The following SYT14 variants were observed in gnomAD, a reference collection of about 807,000 sequenced individuals.
SYT14 encodes the protein synaptotagmin 14.
In SYT14, 32 loss-of-function variants were observed where a neutral mutation model predicts 74.2. That is an observed-to-expected ratio of 0.43 (90% CI 0.33 to 0.58). SYT14 has a LOEUF of 0.58. SYT14 is among the 20% of genes least tolerant of loss of function. The pLI, the probability that SYT14 is intolerant of heterozygous loss-of-function variation, is 0.05. For missense variants in SYT14, 791 were observed against 981.8 expected, an observed-to-expected ratio of 0.81 and a Z score of 2.60; for synonymous variants, 298 against 337.7, an observed-to-expected ratio of 0.88 and a Z score of 1.29.
intron 5 of SYT14, among the ~76,000 whole-genome samples, chr1:210,056,739 T>A (rs1360094280): frequency 6.7e-6 from 1 of 149,852 alleles, no homozygotes; most frequent in Non-Finnish European, 1.5e-5. Flanking sequence ...GGCAGGAGAA[T>A]CACGCCACTG....
intron 2 of SYT14, among the ~76,000 whole-genome samples, chr1:209,996,383 G>C (rs1041983299): frequency 6.6e-6 from 1 of 152,066 alleles, no homozygotes; most frequent in African/African-American, 2.4e-5. Flanking sequence ...GAAACATGCA[G>C]TCTTCCAAGA....
At chr1:210,006,295 TG>T (rs1409207621) in intron 2 of SYT14, among the ~76,000 whole-genome samples, 1 of 151,940 alleles carries the variant, frequency 6.6e-6, no homozygotes, top group African/African-American at 2.4e-5. Flanking sequence ...TACGAAAATT[TG>T]AGGGAAATTT....
intron 7 of SYT14, among the ~76,000 whole-genome samples, chr1:210,105,784 C>T (rs926405507): frequency 6.6e-6 from 1 of 152,102 alleles, no homozygotes; most frequent in Admixed American, 6.6e-5. Flanking sequence ...CTCTTGCTGC[C>T]GTCCTCACGA....
chr1:209,958,575 C>T (rs1167569007), intron 2 of SYT14, among the ~76,000 whole-genome samples: 1 of 152,052 alleles, frequency 6.6e-6, no homozygotes, highest in Non-Finnish European at 1.5e-5. Context: ...GAAAATTCCT[C>T]TATAATGATC....
Position 210,016,665 on chromosome 1 carries a change from A to G in SYT14, c.662A>G (p.Asn221Ser), listed in dbSNP as rs183880885. The G allele has an allele frequency of 6.9e-4, 848 of 1,231,900 alleles. 1 individual carries two copies. Among genetic ancestry groups the G allele is most frequent in the Non-Finnish European group, 7.9e-4 (785 of 987,818 alleles). The allele number at this position is 1,231,900 out of a possible 1,614,324, so 76.3% of individuals were successfully genotyped here. A position where few individuals can be genotyped will look rare whatever the true frequency, so the allele number is the denominator to read the frequency against. Residue 221 changes from asparagine (N) to serine (S), a missense_variant, in exon 4 of 10, where the codon AAT (asparagine) becomes AGT (serine). By Grantham distance (46) the Asn-to-Ser change is conservative (BLOSUM62 1). Transcript: ENST00000637265. Reference sequence around the variant, plus strand: ...CAAAAGAAATATGTTGGTACAGATAATTGTAAAAAGGAGGAATATTCTAAA... The same window carrying G: ...CAAAAGAAATATGTTGGTACAGATAGTTGTAAAAAGGAGGAATATTCTAAA...
intron 2 of SYT14, among the ~76,000 whole-genome samples, chr1:209,954,202 A>G (rs2078956182): frequency 6.6e-6 from 1 of 152,198 alleles, no homozygotes; most frequent in South Asian, 2.1e-4. Context: ...AGAAAAGGAA[A>G]ATGTTTAGAG....
At chr1:210,031,186 A>T (rs555554217) in intron 5 of SYT14, among the ~76,000 whole-genome samples, 15 of 142,690 alleles carry the variant, frequency 1.1e-4, no homozygotes, top group Non-Finnish European at 2.1e-4. Flanking sequence ...GTATCTGTTG[A>T]TAGTATCATA....
intron 2 of SYT14, chr1:209,953,007 A>C: frequency 7.0e-7 from 1 of 1,429,044 alleles, no homozygotes; most frequent in South Asian, 1.2e-5. Flanking sequence ...GTTGTTAGAC[A>C]TGGTGAAGAG....
chr1:210,167,001 T>C (rs1287582078), exon 10 of SYT14: 1 of 152,226 alleles, frequency 6.6e-6, no homozygotes, highest in Non-Finnish European at 1.5e-5. Flanking sequence ...CATACATTTT[T>C]CAAAGTGTTT....
At position 210,165,103 on chromosome 1, in the gene SYT14, G is replaced by A. The variant is rs558258592; in HGVS notation, c.*4061G>A. 2.5e-3 allele frequency: 381 copies of A among 152,230 alleles called. 1 individual carries two copies. Among genetic ancestry groups the A allele is most frequent in the African/African-American group, 8.7e-3 (361 of 41,564 alleles). 9.4% of individuals were successfully genotyped at this position (152,230 alleles called of 1,614,324 possible). ...ACATTTTATTGATAAAGAAACTGCA[G>A]CATGAAGAGGTTAAGCAGACTTTCC... On this transcript the variant is annotated 3_prime_UTR_variant, in exon 10 of 10. Coordinates refer to ENST00000637265, the Ensembl canonical transcript of SYT14.
exon 10 of SYT14, chr1:210,167,752 G>A (rs2083470968): frequency 6.6e-6 from 1 of 152,084 alleles, no homozygotes; most frequent in Non-Finnish European, 1.5e-5. Context: ...GGAATTACTA[G>A]TTTATTATCA....
Position 210,016,217 on chromosome 1 carries a change from CA to C in SYT14, c.221del (p.Asn74MetfsTer4). The C allele has an allele frequency of 8.9e-6, 11 of 1,231,954 alleles. No homozygotes were observed. Among genetic ancestry groups the C allele is most frequent in the Non-Finnish European group, 1.1e-5 (11 of 987,900 alleles). 76.3% of individuals were successfully genotyped at this position (1,231,954 alleles called of 1,614,324 possible). A position where few individuals can be genotyped will look rare whatever the true frequency, so the allele number is the denominator to read the frequency against. ...AGAAGAAGCTGTAGACACTTCTAAA[CA>C]AAAAAATGCCGGGTTAACAGAAGTC... is the stretch of plus-strand genomic sequence containing the variant. On this transcript the variant is annotated frameshift_variant, in exon 4 of 10. Coordinates refer to ENST00000637265, the Ensembl canonical transcript of SYT14. LOFTEE classifies it high-confidence loss of function.
At chr1:210,045,751 A>AAATCATGTT (rs1309168606) in intron 5 of SYT14, among the ~76,000 whole-genome samples, 1 of 152,172 alleles carries the variant, frequency 6.6e-6, no homozygotes, top group Non-Finnish European at 1.5e-5. Flanking sequence ...TAAATGAGTA[A>AAATCATGTT]AATCATGTTA....
chr1:209,990,757 A>G (rs945255639), intron 2 of SYT14, among the ~76,000 whole-genome samples: 5 of 150,590 alleles, frequency 3.3e-5, no homozygotes, highest in Non-Finnish European at 7.4e-5. Context: ...ATACCCATAA[A>G]AAATTTAAAA....
chr1:210,093,673 A>T (rs533599145), intron 5 of SYT14, among the ~76,000 whole-genome samples: 17 of 152,348 alleles, frequency 1.1e-4, no homozygotes, highest in Non-Finnish European at 2.4e-4. Flanking sequence ...GTAGAGTGGG[A>T]TAGAGTGCCC....
At chr1:210,135,147 A>T (rs1228976293) in intron 7 of SYT14, among the ~76,000 whole-genome samples, 1 of 151,708 alleles carries the variant, frequency 6.6e-6, no homozygotes, top group Non-Finnish European at 1.5e-5. Context: ...CACCTGGCTA[A>T]TTTTTTGTAT....
chr1:210,010,865 CTT>C (rs1051772102), intron 2 of SYT14, among the ~76,000 whole-genome samples: 8 of 152,192 alleles, frequency 5.3e-5, no homozygotes, highest in African/African-American at 1.9e-4. Flanking sequence ...TTTAATATCT[CTT>C]TGTCTCAATT....
intron 5 of SYT14, among the ~76,000 whole-genome samples, chr1:210,052,471 T>C (rs1403907425): frequency 1.3e-5 from 2 of 151,842 alleles, no homozygotes; most frequent in Non-Finnish European, 2.9e-5. Flanking sequence ...GAGACAAGCC[T>C]GGCCAGCGTG....
intron 7 of SYT14, among the ~76,000 whole-genome samples, chr1:210,104,610 G>C (rs1480009612): frequency 6.6e-6 from 1 of 151,856 alleles, no homozygotes; most frequent in Non-Finnish European, 1.5e-5. Flanking sequence ...TGCATTTTTG[G>C]TACTATATTA....
Sources: allele counts gnomAD v4.1 joint callset (sites outside exome capture counted in the v4.1 genomes callset), GRCh38; gene constraint gnomAD v4.1.1; transcripts MANE v1.5; gene names NCBI Gene and HGNC (gene_info 2026-07-23, HGNC 2026-07-21).